Variants in TRPC6 observed in about 807,000 individuals in gnomAD.
TRPC6 encodes the protein short transient receptor potential channel 6.
Under a neutral mutation model 90.7 loss-of-function variants are expected in TRPC6, and 55 were observed. The observed-to-expected ratio is 0.61, with a 90% CI of 0.49 to 0.76. TRPC6 has a LOEUF of 0.76. Ranked by LOEUF, TRPC6 falls within the 30% of genes least tolerant of loss-of-function variation. The pLI is 0.00. For synonymous variants in TRPC6, 393 were observed against 393.0 expected, an observed-to-expected ratio of 1.00 and a Z score of 0.00; for missense variants, 989 against 1,122.7, an observed-to-expected ratio of 0.88 and a Z score of 1.70.
intron 10 of TRPC6, among the ~76,000 whole-genome samples, chr11:101,456,293 C>T (rs150344123): frequency 9.8e-4 from 149 of 152,272 alleles, no homozygotes; most frequent in African/African-American, 3.4e-3. Context: ...AGGAAGTGGT[C>T]TACCTAGTTT....
chr11:101,520,191 CAGTG>C (rs555380737), intron 1 of TRPC6, among the ~76,000 whole-genome samples: 10 of 151,980 alleles, frequency 6.6e-5, no homozygotes, highest in Non-Finnish European at 1.3e-4. Flanking sequence ...ATTCTCGTGA[CAGTG>C]AGTGAGTTCT....
intron 10 of TRPC6, among the ~76,000 whole-genome samples, chr11:101,465,620 T>A (rs1859125943): frequency 6.6e-6 from 1 of 152,236 alleles, no homozygotes; most frequent in African/African-American, 2.4e-5. Flanking sequence ...GTTTTCGTGC[T>A]GTGTTTTTCA....
chr11:101,533,916 C>T (rs562332588), intron 1 of TRPC6, among the ~76,000 whole-genome samples: 1 of 152,272 alleles, frequency 6.6e-6, no homozygotes, highest in South Asian at 2.1e-4. Flanking sequence ...TGGCTTACAG[C>T]TGATGATCAT....
chr11:101,540,520 T>G (rs965371657), intron 1 of TRPC6, among the ~76,000 whole-genome samples: 4 of 152,210 alleles, frequency 2.6e-5, no homozygotes, highest in African/African-American at 9.6e-5. Context: ...TCTATGGAAT[T>G]TCATTCTTGT....
chr11:101,478,901 T>A (rs1231011040), intron 5 of TRPC6, among the ~76,000 whole-genome samples: 1 of 152,130 alleles, frequency 6.6e-6, no homozygotes, highest in African/African-American at 2.4e-5. Flanking sequence ...AAAACCCACC[T>A]GCGTGCTCAT....
chr11:101,478,602 T>C (rs1290674196), intron 5 of TRPC6, among the ~76,000 whole-genome samples: 2 of 152,134 alleles, frequency 1.3e-5, no homozygotes, highest in Admixed American at 1.3e-4. Context: ...GAAGGAAAAG[T>C]TCGTGTCTCA....
chr11:101,547,041 A>C (rs949357251), intron 1 of TRPC6, among the ~76,000 whole-genome samples: 5 of 152,152 alleles, frequency 3.3e-5, no homozygotes, highest in Non-Finnish European at 7.4e-5. Flanking sequence ...GATAATGAAA[A>C]ACAAAAAAAC....
Position 101,504,496 on chromosome 11 carries a change from AG to A in TRPC6, c.472del (p.Leu158SerfsTer10). 2 of 1,614,028 alleles carry A rather than the reference AG, an allele frequency of 1.2e-6. No individual in the cohort carries two copies. Among genetic ancestry groups the A allele is most frequent in the Non-Finnish European group, 1.7e-6 (2 of 1,179,988 alleles). ...AAGCAAAGCATCCCCAACTCGAGAG[AG>A]GTTTTCTTTCTTGAGAAGAAGTTCT... ...ITELLLKKEN[L>X]SRVGDALLLA... On this transcript the variant is annotated frameshift_variant, in exon 2 of 13. Coordinates refer to ENST00000344327, the MANE Select transcript of TRPC6 (RefSeq NM_004621.6). LOFTEE classifies it high-confidence loss of function.
chr11:101,549,932 G>A (rs1861414044), intron 1 of TRPC6, among the ~76,000 whole-genome samples: 1 of 151,414 alleles, frequency 6.6e-6, no homozygotes, highest in African/African-American at 2.4e-5. Flanking sequence ...TTTCCATACT[G>A]AGTTAGCAGT....
chr11:101,551,555 A>G (rs952448170), intron 1 of TRPC6, among the ~76,000 whole-genome samples: 2 of 152,004 alleles, frequency 1.3e-5, no homozygotes, highest in African/African-American at 2.4e-5. Context: ...ATTGCTTTTC[A>G]TTACTCTCTC....
chr11:101,476,338 T>G lies in TRPC6; in HGVS notation c.1707A>C (p.Lys569Asn). Residue 569 changes from lysine to asparagine, a missense_variant, in exon 6 of 13, where the codon AAA becomes AAC. By Grantham distance (94) the Lys-to-Asn change is moderately conservative. Coordinates refer to ENST00000344327, the MANE Select transcript of TRPC6 (RefSeq NM_004621.6). ...ATTTCACATTGTCTCCCAATGTTACTTTCGTCAAGTCCTTCAAAGTATCAT... is the reference window on the plus strand; with the variant it reads ...ATTTCACATTGTCTCCCAATGTTACGTTCGTCAAGTCCTTCAAAGTATCAT... ...DANDTLKDLT[K>N]VTLGDNVKYY... 1 of 1,614,156 alleles carries G rather than the reference T, an allele frequency of 6.2e-7. No homozygotes were observed. The highest frequency in any genetic ancestry group is 8.5e-7 in the Non-Finnish European group (1 of 1,179,998).
Position 101,504,011 on chromosome 11 carries a change from GT to G in TRPC6, c.945+12del, listed in dbSNP as rs747404456. 2 of 1,613,846 alleles carry G rather than the reference GT, an allele frequency of 1.2e-6. No homozygotes were observed. Among genetic ancestry groups the G allele is most frequent in the African/African-American group, 2.7e-5 (2 of 74,896 alleles). On this transcript the variant is annotated intron_variant, in intron 2 of 12. Coordinates refer to ENST00000344327, the MANE Select transcript of TRPC6 (RefSeq NM_004621.6). ...GCTTGTGGAGGGTGAAGTCTCTATTGTTAGTGACCTACCTTGAACTCTTTCT... is the reference window on the plus strand; with the variant it reads ...GCTTGTGGAGGGTGAAGTCTCTATTGTAGTGACCTACCTTGAACTCTTTCT...
chr11:101,518,487 C>T (rs985208835), intron 1 of TRPC6, among the ~76,000 whole-genome samples: 1 of 152,150 alleles, frequency 6.6e-6, no homozygotes, highest in Non-Finnish European at 1.5e-5. Context: ...ATCAATACTA[C>T]AATGAGATGT....
At chr11:101,516,793 C>T (rs1023154194) in intron 1 of TRPC6, among the ~76,000 whole-genome samples, 1 of 152,168 alleles carries the variant, frequency 6.6e-6, no homozygotes, top group Non-Finnish European at 1.5e-5. Context: ...AGCAGCTAGC[C>T]GAGTAGCCAG....
Position 101,491,606 on chromosome 11 carries a change from G to T in TRPC6, c.1078C>A (p.Arg360Ser). Residue 360 changes from arginine to serine, a missense_variant, in exon 3 of 13, where the codon CGC becomes AGC. This residue lies in a region of TRPC6 where 486 missense variants were observed against 591.9 expected (regional missense o/e 0.82). Transcript: ENST00000344327. ...VETLQSGDHG[R>S]PNLSRLKLAI... is the part of the protein sequence containing the mutation. ...AGTTTTAAACGGCTGAGATTTGGGC[G>T]ACCGTGATCACCACTCTGGAGCGTT... 1.2e-6 allele frequency: 2 copies of T among 1,613,668 alleles called. No individual in the cohort carries two copies. Among genetic ancestry groups the T allele is most frequent in the South Asian group, 2.2e-5 (2 of 91,034 alleles).
At chr11:101,530,383 G>A (rs550368711) in intron 1 of TRPC6, among the ~76,000 whole-genome samples, 87 of 152,204 alleles carry the variant, frequency 5.7e-4, no homozygotes, top group African/African-American at 2.0e-3. Context: ...ATTGTGATCC[G>A]TGATCAGTTC....
intron 1 of TRPC6, among the ~76,000 whole-genome samples, chr11:101,543,383 T>A (rs7125321): frequency 0.25 from 37,371 of 151,926 alleles, 4,920 homozygotes; most frequent in Middle Eastern, 0.36. Flanking sequence ...TTAAATTTCA[T>A]ATGGAACCAA....
chr11:101,563,824 G>C (rs543160838), intron 1 of TRPC6, among the ~76,000 whole-genome samples: 1 of 152,134 alleles, frequency 6.6e-6, no homozygotes. Flanking sequence ...ACAGGCCTCC[G>C]CATCTGTCTA....
chr11:101,524,393 C>T (rs192664222), intron 1 of TRPC6, among the ~76,000 whole-genome samples: 127 of 152,250 alleles, frequency 8.3e-4, no homozygotes, highest in Middle Eastern at 3.4e-3. Context: ...GGACTACAGG[C>T]GCCTGCCACC....
Sources: gnomAD v4.1 joint callset for allele counts (sites outside exome capture counted in the v4.1 genomes callset) on GRCh38, gnomAD v4.1.1 for gene constraint, gnomAD v4.1.1 regional missense constraint, MANE v1.5 for transcripts, NCBI Gene and HGNC (gene_info 2026-07-23, HGNC 2026-07-21) for gene names.